IL1R1: variants seen among roughly 807,000 people sequenced by gnomAD.
IL1R1 encodes the protein interleukin-1 receptor type 1.
IL1R1 carries 22 observed loss-of-function variants against 50.2 expected under a neutral mutation model. That is an observed-to-expected ratio of 0.44 (90% CI 0.31 to 0.63). The LOEUF (loss-of-function observed/expected upper bound fraction) is 0.63. Among genes scored for constraint, IL1R1 ranks in the 20% least tolerant of loss-of-function variants. IL1R1 has a pLI of 0.07. For missense variants in IL1R1, 509 were observed against 676.2 expected (o/e 0.75, Z 2.74); for synonymous variants, 251 against 236.7 (o/e 1.06, Z -0.55).
At chr2:102,133,605 T>C (rs909200620) in intron 1 of IL1R1, among the ~76,000 whole-genome samples, 2 of 152,186 alleles carry the variant, frequency 1.3e-5, no homozygotes, top group Non-Finnish European at 2.9e-5. Flanking sequence ...TGGCTTAGCA[T>C]TGGAAAAATC....
chr2:102,103,614 T>G (rs1044025470), upstream of IL1R1, among the ~76,000 whole-genome samples: 4 of 152,112 alleles, frequency 2.6e-5, no homozygotes, highest in Non-Finnish European at 5.9e-5. Context: ...CGATGCAGAT[T>G]TTTGAGTAGC....
chr2:102,120,633 G>C (rs2104390932), intron 1 of IL1R1, among the ~76,000 whole-genome samples: 1 of 152,338 alleles, frequency 6.6e-6, no homozygotes, highest in Admixed American at 6.5e-5. Flanking sequence ...ATGGGAAACA[G>C]GTATTGTATA....
chr2:102,099,312 A>T (rs1424155327), intron 1 of IL1R1, among the ~76,000 whole-genome samples: 1 of 152,226 alleles, frequency 6.6e-6, no homozygotes, highest in African/African-American at 2.4e-5. Context: ...TGGTAGAAGC[A>T]GTTTCCATTG....
At chr2:102,165,978 T>A (rs1418722658) in intron 5 of IL1R1, 135 bp from the exon 6 acceptor site, 1 of 665,554 alleles carries the variant, frequency 1.5e-6, no homozygotes, top group East Asian at 2.8e-5. Flanking sequence ...AAACTTACTA[T>A]ATGTAAGGAA....
chr2:102,135,638 C>T (rs1192365303), intron 1 of IL1R1, among the ~76,000 whole-genome samples: 1 of 152,100 alleles, frequency 6.6e-6, no homozygotes, highest in Non-Finnish European at 1.5e-5. Flanking sequence ...AAGATTCTTG[C>T]TCGAGTACGG....
chr2:102,151,825 G>T (rs1220687906), intron 1 of IL1R1, among the ~76,000 whole-genome samples: 3 of 152,214 alleles, frequency 2.0e-5, no homozygotes, highest in Non-Finnish European at 4.4e-5. Flanking sequence ...TTGACTTCCA[G>T]ACCCAGGAGG....
chr2:102,092,881 G>C (rs1372385345), intron 1 of IL1R1, among the ~76,000 whole-genome samples: 2 of 152,030 alleles, frequency 1.3e-5, no homozygotes, highest in African/African-American at 4.8e-5. Flanking sequence ...GTCTATAGAG[G>C]TTTACTCAGG....
At chr2:102,105,333 G>GC (rs1553625145) in intron 1 of IL1R1, among the ~76,000 whole-genome samples, 1 of 152,102 alleles carries the variant, frequency 6.6e-6, no homozygotes, top group East Asian at 1.9e-4. Context: ...ATAACCCAAT[G>GC]TTGACTGAAG....
At chr2:102,086,226 G>C (rs1349347814) in intron 1 of IL1R1, among the ~76,000 whole-genome samples, 1 of 152,104 alleles carries the variant, frequency 6.6e-6, no homozygotes, top group Non-Finnish European at 1.5e-5. Context: ...TTTCTTAATT[G>C]ACAGTTTAGT....
intron 1 of IL1R1, among the ~76,000 whole-genome samples, chr2:102,086,516 A>G (rs189285911): frequency 7.8e-4 from 117 of 150,864 alleles, no homozygotes; most frequent in African/African-American, 2.6e-3. Context: ...TACTTTAAAT[A>G]TTTTCTACGC....
Position 102,165,312 on chromosome 2 carries a change from T to G in IL1R1, c.486+8T>G, listed in dbSNP as rs778159164. ...AAATTACAGTGGTATAAGGTAATTT[T>G]ATTTTAAATATGACATTTCACTTTT... On this transcript the variant is annotated splice_region_variant and intron_variant, in intron 5 of 11. Transcript: ENST00000410023. 3.5e-6 allele frequency: 5 copies of G among 1,420,416 alleles called. No individual in the cohort carries two copies. Among genetic ancestry groups the G allele is most frequent in the Non-Finnish European group, 3.8e-6 (4 of 1,043,622 alleles). The allele number at this position is 1,420,416 out of a possible 1,614,324, so 88.0% of individuals were successfully genotyped here. A position where few individuals can be genotyped will look rare whatever the true frequency, so the allele number is the denominator to read the frequency against.
chr2:102,098,175 T>C (rs890339871), intron 1 of IL1R1, among the ~76,000 whole-genome samples: 2 of 152,204 alleles, frequency 1.3e-5, no homozygotes, highest in Admixed American at 6.5e-5. Flanking sequence ...TATTAATAGA[T>C]GCAAAAATAG....
intron 6 of IL1R1, among the ~76,000 whole-genome samples, chr2:102,167,607 C>G (rs1411662761): frequency 1.3e-5 from 2 of 151,884 alleles, no homozygotes; most frequent in Admixed American, 1.3e-4. Context: ...GCCACCACGC[C>G]CGGCTAATTT....
chr2:102,172,016 C>T, intron 8 of IL1R1, 98 bp downstream of exon 8: 1 of 372,248 alleles, frequency 2.7e-6, no homozygotes, highest in Non-Finnish European at 4.6e-6. Context: ...GTTAGTTGCT[C>T]CTAACCTTTG....
chr2:102,099,025 C>T (rs114520953), intron 1 of IL1R1, among the ~76,000 whole-genome samples: 388 of 152,214 alleles, frequency 2.5e-3, no homozygotes, highest in African/African-American at 9.0e-3. Flanking sequence ...CATCATCTTA[C>T]CTTATTAAAC....
At chr2:102,168,298 T>A (rs1326432110) in intron 6 of IL1R1, among the ~76,000 whole-genome samples, 1 of 152,190 alleles carries the variant, frequency 6.6e-6, no homozygotes, top group South Asian at 2.1e-4. Flanking sequence ...CTGACATGCT[T>A]TCACTTAAGA....
intron 1 of IL1R1, among the ~76,000 whole-genome samples, chr2:102,135,179 T>C (rs1308049003): frequency 6.6e-6 from 1 of 152,246 alleles, no homozygotes; most frequent in African/African-American, 2.4e-5. Context: ...AAACACTCTG[T>C]TGCTGATTTT....
chr2:102,087,064 T>C (rs1679462089), intron 1 of IL1R1, among the ~76,000 whole-genome samples: 1 of 152,236 alleles, frequency 6.6e-6, no homozygotes, highest in Non-Finnish European at 1.5e-5. Context: ...ACCCATTGCA[T>C]GTAAAAGTTA....
Position 102,174,691 on chromosome 2 carries a change from T to C in IL1R1, c.1096T>C (p.Trp366Arg). The change falls in exon 10 of 12, where the codon TGG (tryptophan) becomes CGG (arginine). Residue 366 changes from tryptophan to arginine, a missense_variant. Physicochemically the swap from Trp to Arg is moderately radical, Grantham distance 101. Transcript: ENST00000410023. ...AATCTTCAAGATTGACATTGTGCTT[T>C]GGTACAGGGATTCCTGCTATGATTT... The part of the protein sequence containing the change: ...YKIFKIDIVL[W>R]YRDSCYDFLP... The C allele has an allele frequency of 1.2e-6, 2 of 1,611,840 alleles. No individual in the cohort carries two copies. Among genetic ancestry groups the C allele is most frequent in the Non-Finnish European group, 1.7e-6 (2 of 1,179,206 alleles).
Sources: gnomAD v4.1 joint callset for allele counts (sites outside exome capture counted in the v4.1 genomes callset) on GRCh38, gnomAD v4.1.1 for gene constraint, MANE v1.5 for transcripts, NCBI Gene and HGNC (gene_info 2026-07-23, HGNC 2026-07-21) for gene names.